Variants in MUC22 observed in about 807,000 individuals in gnomAD.
MUC22 encodes the protein mucin-22.
Under a neutral mutation model 40.3 loss-of-function variants are expected in MUC22, and 24 were observed. That is an observed-to-expected ratio of 0.60 (90% confidence interval 0.43 to 0.84). MUC22 has a LOEUF of 0.84. MUC22 is among the 40% of genes least tolerant of loss of function. MUC22 has a pLI of 0.00. For synonymous variants in MUC22, 765 were observed against 844.5 expected, an observed-to-expected ratio of 0.91 and a Z score of 1.63; for missense variants, 1,926 against 2,130.7, an observed-to-expected ratio of 0.90 and a Z score of 1.89.
At chr6:31,029,466 C>T in exon 2 of MUC22, 3 of 1,534,614 alleles carry the variant, frequency 2.0e-6, no homozygotes, top group Non-Finnish European at 2.6e-6. Flanking sequence ...GCTCTGGGAC[C>T]ACCACAGCCT....
chr6:31,013,533 T>C (rs1052371066), intron 1 of MUC22, among the ~76,000 whole-genome samples: 1 of 152,188 alleles, frequency 6.6e-6, no homozygotes, highest in African/African-American at 2.4e-5. Context: ...ATGTAAGCAG[T>C]TCTGAAAAAG....
chr6:31,026,399 C>A, exon 2 of MUC22: 1 of 1,507,956 alleles, frequency 6.6e-7, no homozygotes, highest in Non-Finnish European at 8.9e-7. Flanking sequence ...ACCTCTACGG[C>A]AGGATCCGAG....
exon 4 of MUC22, chr6:31,034,918 G>A: frequency 6.5e-7 from 1 of 1,535,570 alleles, no homozygotes; most frequent in South Asian, 1.2e-5. Context: ...CGGGCATTAT[G>A]GACATGGAGG....
intron 3 of MUC22, among the ~76,000 whole-genome samples, chr6:31,034,428 C>A (rs74696611): frequency 0.011 from 1,735 of 152,126 alleles, 31 homozygotes; most frequent in East Asian, 0.065. Context: ...GGCCTGAGTA[C>A]GCACATAAAG....
chr6:31,015,405 A>G (rs1376044946), intron 1 of MUC22, among the ~76,000 whole-genome samples: 8 of 152,214 alleles, frequency 5.3e-5, no homozygotes, highest in Admixed American at 5.2e-4. Flanking sequence ...GTGGAAATTA[A>G]TATGTATTCC....
At chr6:31,025,525 A>C in exon 2 of MUC22, 2 of 1,510,208 alleles carry the variant, frequency 1.3e-6, no homozygotes, top group African/African-American at 1.4e-5. Context: ...CACAGCCTTC[A>C]CAAAAGGCTC....
rs2150740026 is a variant in MUC22 at position 31,011,128 on chromosome 6, A to C, written c.70+352A>C. Among the ~76,000 whole-genome samples, 1 of 152,234 alleles carries C rather than the reference A, an allele frequency of 6.6e-6. No individual in the cohort carries two copies. The highest frequency in any genetic ancestry group is 2.4e-5 in the African/African-American group (1 of 41,532). ...TTTTTAACCGGAAAACTCTAGTTCC[A>C]ATAGCATTCTTAATTCCAAATTAAA... is the stretch of plus-strand genomic sequence containing the variant. On this transcript the variant is annotated intron_variant, in intron 1 of 3. Coordinates refer to ENST00000561890, the Ensembl canonical transcript of MUC22. The surrounding 1 kb of genome is among the most constrained non-coding windows in gnomAD (Gnocchi z 4.5).
At chr6:31,025,726 A>G in exon 2 of MUC22, 3 of 1,528,866 alleles carry the variant, frequency 2.0e-6, no homozygotes, top group Non-Finnish European at 1.8e-6. Context: ...GGCCTCCACC[A>G]CAGACTCAGG....
chr6:31,015,172 G>A (rs944553927), intron 1 of MUC22, among the ~76,000 whole-genome samples: 1 of 152,076 alleles, frequency 6.6e-6, no homozygotes, highest in Non-Finnish European at 1.5e-5. Context: ...GAGTATATGG[G>A]CCAGATAGAG....
intron 1 of MUC22, among the ~76,000 whole-genome samples, chr6:31,010,990 T>C (rs1763829471): frequency 1.3e-5 from 2 of 151,636 alleles, no homozygotes; most frequent in East Asian, 3.9e-4. Flanking sequence ...AAATCTGTAT[T>C]AGTCTCCCCC....
exon 1 of MUC22, chr6:31,010,633 C>T (rs1439911050): frequency 2.9e-6 from 2 of 698,972 alleles, no homozygotes; most frequent in East Asian, 2.7e-5. Context: ...CCCCTTGTCT[C>T]TCTGCCTCTT....
At chr6:31,025,924 A>G in exon 2 of MUC22, 1 of 1,533,832 alleles carries the variant, frequency 6.5e-7, no homozygotes, top group Non-Finnish European at 8.7e-7. Flanking sequence ...AGGCTCTGAG[A>G]AAACGATGGC....
intron 2 of MUC22, among the ~76,000 whole-genome samples, chr6:31,030,724 G>T (rs760069369): frequency 6.6e-6 from 1 of 152,102 alleles, no homozygotes; most frequent in Non-Finnish European, 1.5e-5. Flanking sequence ...CTCCCACTTC[G>T]GTGCCAAGTA....
intron 1 of MUC22, among the ~76,000 whole-genome samples, chr6:31,014,793 AT>A (rs1345814019): frequency 6.6e-6 from 1 of 152,188 alleles, no homozygotes; most frequent in African/African-American, 2.4e-5. Context: ...TTCCAGTGTC[AT>A]CATCATTTCA....
exon 2 of MUC22, chr6:31,027,861 T>G: frequency 6.5e-7 from 1 of 1,534,154 alleles, no homozygotes; most frequent in South Asian, 1.2e-5. Context: ...CCACTTCCAC[T>G]GAAGGCTCTG....
intron 1 of MUC22, among the ~76,000 whole-genome samples, chr6:31,019,330 C>T (rs1764498809): frequency 6.6e-6 from 1 of 152,188 alleles, no homozygotes; most frequent in South Asian, 2.1e-4. Context: ...AGGTATCTCC[C>T]CTGCTACCAT....
intron 1 of MUC22, among the ~76,000 whole-genome samples, chr6:31,021,990 C>T (rs1199956474): frequency 6.6e-6 from 1 of 152,092 alleles, no homozygotes; most frequent in Non-Finnish European, 1.5e-5. Context: ...CCAGCGAGCC[C>T]ACGAGCCCAC....
exon 2 of MUC22, chr6:31,028,625 C>T: frequency 6.5e-7 from 1 of 1,535,068 alleles, no homozygotes; most frequent in Non-Finnish European, 8.7e-7. Flanking sequence ...TCTGAGACCA[C>T]CATAGCCTCT....
intron 1 of MUC22, among the ~76,000 whole-genome samples, chr6:31,022,671 G>A (rs1034897875): frequency 1.3e-5 from 2 of 152,130 alleles, no homozygotes; most frequent in Non-Finnish European, 2.9e-5. Flanking sequence ...GATAGAAAAA[G>A]GAAATGGAAG....
Sources: gnomAD v4.1 joint callset for allele counts (sites outside exome capture counted in the v4.1 genomes callset) on GRCh38, gnomAD v4.1.1 for gene constraint, Gnocchi (gnomAD v3.1) non-coding constraint, MANE v1.5 for transcripts, NCBI Gene and HGNC (gene_info 2026-07-23, HGNC 2026-07-21) for gene names.